CDH13: variants seen among roughly 807,000 people sequenced by gnomAD.
CDH13 encodes the protein cadherin 13.
CDH13 carries 24 observed loss-of-function variants against 63.8 expected under a neutral mutation model. That is an observed-to-expected ratio of 0.38 (90% CI 0.27 to 0.53). CDH13 has a LOEUF of 0.53. Among genes scored for constraint, CDH13 ranks in the 20% least tolerant of loss-of-function variants. CDH13 has a pLI of 0.85. For synonymous variants in CDH13, 503 were observed against 355.3 expected, an observed-to-expected ratio of 1.42 and a Z score of -4.67; for missense variants, 1,049 against 903.1, an observed-to-expected ratio of 1.16 and a Z score of -2.07.
intron 7 of CDH13, among the ~76,000 whole-genome samples, chr16:83,516,923 G>A (rs1209374223): frequency 6.6e-6 from 1 of 152,222 alleles, no homozygotes; most frequent in Non-Finnish European, 1.5e-5. Context: ...TTGTTAGCCA[G>A]GAAAGGAGAT....
At chr16:82,804,456 A>G (rs2037045267) in intron 1 of CDH13, among the ~76,000 whole-genome samples, 1 of 152,188 alleles carries the variant, frequency 6.6e-6, no homozygotes. Context: ...GTGCAGTTTT[A>G]TTGCACGTTA....
At position 83,265,565 on chromosome 16, in the gene CDH13, C is replaced by T. The variant is rs559694232; in HGVS notation, c.636+48068C>T. 2.0e-5 allele frequency among the ~76,000 whole-genome samples: 3 copies of T among 152,098 alleles called. No individual in the cohort carries two copies. The East Asian group carries it at 5.8e-4, about 29-fold the overall frequency. On this transcript the variant is annotated intron_variant, in intron 5 of 13. Transcript: ENST00000567109. Reference sequence around the variant, plus strand: ...TGTATTATTGTTTAATCTTTGCCATCATAATTTCAATTTTAATGGTTTTTT... The same window carrying T: ...TGTATTATTGTTTAATCTTTGCCATTATAATTTCAATTTTAATGGTTTTTT...
intron 7 of CDH13, among the ~76,000 whole-genome samples, chr16:83,513,429 A>T (rs1283143569): frequency 6.6e-6 from 1 of 152,192 alleles, no homozygotes; most frequent in African/African-American, 2.4e-5. Flanking sequence ...TGTAGTTAGC[A>T]TATTAGTTTG....
At chr16:82,642,349 G>C (rs139041504) in intron 1 of CDH13, among the ~76,000 whole-genome samples, 3 of 152,172 alleles carry the variant, frequency 2.0e-5, no homozygotes, top group Non-Finnish European at 4.4e-5. Context: ...AGTACAGTAG[G>C]CGTGGTTTAG....
intron 1 of CDH13, chr16:82,705,050 T>C: frequency 2.3e-6 from 1 of 427,664 alleles, no homozygotes; most frequent in Non-Finnish European, 4.6e-6. Context: ...TTTCTTCTTT[T>C]TATTCTTGTA....
intron 7 of CDH13, among the ~76,000 whole-genome samples, chr16:83,554,007 C>G (rs2075558279): frequency 6.6e-6 from 1 of 152,032 alleles, no homozygotes; most frequent in Non-Finnish European, 1.5e-5. Flanking sequence ...GATATAATTG[C>G]CTGTGTCTCT....
At chr16:83,063,586 C>A (rs1199979015) in intron 3 of CDH13, among the ~76,000 whole-genome samples, 1 of 152,200 alleles carries the variant, frequency 6.6e-6, no homozygotes, top group Non-Finnish European at 1.5e-5. Flanking sequence ...CATGACCAGA[C>A]TTGCCAATGG....
At chr16:83,364,289 G>T (rs1354058140) in intron 6 of CDH13, among the ~76,000 whole-genome samples, 2 of 152,070 alleles carry the variant, frequency 1.3e-5, no homozygotes, top group Non-Finnish European at 2.9e-5. Flanking sequence ...CTGTGTTTTG[G>T]GTTTCCAGGT....
At chr16:83,505,071 C>A (rs1419164561) in intron 7 of CDH13, among the ~76,000 whole-genome samples, 4 of 152,104 alleles carry the variant, frequency 2.6e-5, no homozygotes, top group Non-Finnish European at 5.9e-5. Context: ...TCTGTCTTTG[C>A]CTGTCACTCT....
rs140764536 is a variant in CDH13 at position 82,681,066 on chromosome 16, C to G, written c.45+53929C>G. On this transcript the variant is annotated intron_variant, in intron 1 of 13. Coordinates refer to ENST00000567109, the MANE Select transcript of CDH13 (RefSeq NM_001257.5). Reference sequence around the variant, plus strand: ...TGAGAGCAGGTCTGTTCTGGCATGGCAAAGGGGCTTGCCCAGCACTATCAG... The same window carrying G: ...TGAGAGCAGGTCTGTTCTGGCATGGGAAAGGGGCTTGCCCAGCACTATCAG... 2.0e-3 allele frequency among the ~76,000 whole-genome samples: 307 copies of G among 152,266 alleles called. 3 individuals carry two copies. Among genetic ancestry groups the G allele is most frequent in the African/African-American group, 7.1e-3 (296 of 41,548 alleles).
chr16:82,686,051 A>G (rs541901756), intron 1 of CDH13, among the ~76,000 whole-genome samples: 6 of 152,096 alleles, frequency 3.9e-5, no homozygotes, highest in African/African-American at 1.4e-4. Context: ...TTTTCTCCCA[A>G]CTGCAAGTAG....
intron 10 of CDH13, among the ~76,000 whole-genome samples, chr16:83,679,507 T>C (rs914962212): frequency 1.3e-5 from 2 of 152,232 alleles, no homozygotes; most frequent in African/African-American, 4.8e-5. Context: ...CAGAAGTTAT[T>C]TTCCAACACC....
intron 6 of CDH13, among the ~76,000 whole-genome samples, chr16:83,478,203 T>C (rs1271569563): frequency 6.6e-6 from 1 of 151,714 alleles, no homozygotes; most frequent in African/African-American, 2.4e-5. Flanking sequence ...TCCAGACTTG[T>C]ATTTCAGACA....
chr16:82,981,182 G>A (rs1236385413), intron 2 of CDH13, among the ~76,000 whole-genome samples: 1 of 152,098 alleles, frequency 6.6e-6, no homozygotes, highest in East Asian at 1.9e-4. Flanking sequence ...CAAAAGGAGG[G>A]CAATAGTAAT....
At chr16:83,752,043 A>G (rs1364399103) in intron 11 of CDH13, among the ~76,000 whole-genome samples, 4 of 152,270 alleles carry the variant, frequency 2.6e-5, no homozygotes, top group Non-Finnish European at 5.9e-5. Flanking sequence ...AGAATCAGGG[A>G]TGAAAATAAG....
intron 2 of CDH13, among the ~76,000 whole-genome samples, chr16:82,886,074 C>T (rs1448877733): frequency 6.6e-6 from 1 of 152,018 alleles, no homozygotes; most frequent in Admixed American, 6.6e-5. Flanking sequence ...ATGTATATTT[C>T]ATTTATGTTA....
intron 8 of CDH13, among the ~76,000 whole-genome samples, chr16:83,643,465 A>G (rs1403751156): frequency 2.0e-5 from 3 of 152,138 alleles, no homozygotes; most frequent in Non-Finnish European, 2.9e-5. Flanking sequence ...TTGTCTGTAA[A>G]AAGGGAGAAC....
chr16:83,475,251 T>G (rs1337986269), intron 6 of CDH13, among the ~76,000 whole-genome samples: 1 of 152,228 alleles, frequency 6.6e-6, no homozygotes, highest in African/African-American at 2.4e-5. Context: ...GAGCTTGCCT[T>G]AGACACCAGG....
At chr16:83,207,135 AG>A (rs1214738114) in intron 4 of CDH13, among the ~76,000 whole-genome samples, 1 of 152,204 alleles carries the variant, frequency 6.6e-6, no homozygotes, top group Non-Finnish European at 1.5e-5. Context: ...TGTACATGGC[AG>A]TGGCATTAAG....
Sources: allele counts gnomAD v4.1 joint callset (sites outside exome capture counted in the v4.1 genomes callset), GRCh38; gene constraint gnomAD v4.1.1; transcripts MANE v1.5; gene names NCBI Gene and HGNC (gene_info 2026-07-23, HGNC 2026-07-21).